Variants in NEDD4L observed in about 807,000 individuals in gnomAD.
NEDD4L encodes the protein E3 ubiquitin-protein ligase NEDD4-like.
Under a neutral mutation model 148.9 loss-of-function variants are expected in NEDD4L, and 54 were observed. That is an observed-to-expected ratio of 0.36 (90% CI 0.29 to 0.45). The LOEUF is 0.45. Among genes scored for constraint, NEDD4L ranks in the 20% least tolerant of loss-of-function variants. The pLI is 1.00. For synonymous variants in NEDD4L, 433 were observed against 440.7 expected, an observed-to-expected ratio of 0.98 and a Z score of 0.22; for missense variants, 856 against 1,233.8, an observed-to-expected ratio of 0.69 and a Z score of 4.59.
chr18:58,210,001 A>T (rs1336378189), intron 2 of NEDD4L, among the ~76,000 whole-genome samples: 2 of 152,012 alleles, frequency 1.3e-5, no homozygotes, highest in African/African-American at 4.8e-5. Flanking sequence ...ACCCATCCAT[A>T]CTAAAAAAAT....
chr18:58,073,751 G>A (rs115380239), intron 1 of NEDD4L, among the ~76,000 whole-genome samples: 2,771 of 152,254 alleles, frequency 0.018, 92 homozygotes, highest in African/African-American at 0.063. Context: ...CCTTTGGGAT[G>A]ATGAAATTTT....
At chr18:58,195,570 G>A (rs780446744) in intron 2 of NEDD4L, 51 of 1,339,344 alleles carry the variant, frequency 3.8e-5, no homozygotes, top group Admixed American at 7.9e-5. Flanking sequence ...TCCCCAGCAC[G>A]GCACCTCCCA....
chr18:58,286,398 A>T (rs1354920463), intron 5 of NEDD4L, among the ~76,000 whole-genome samples: 5 of 152,362 alleles, frequency 3.3e-5, no homozygotes, highest in African/African-American at 1.2e-4. Flanking sequence ...GATGAGTCTT[A>T]TATAAAGTGT....
At chr18:58,152,796 T>C (rs2034944396) in intron 1 of NEDD4L, among the ~76,000 whole-genome samples, 1 of 152,166 alleles carries the variant, frequency 6.6e-6, no homozygotes, top group South Asian at 2.1e-4. Flanking sequence ...TTCCAAAAAA[T>C]TGGTACTCTG....
chr18:58,311,950 G>C (rs986908566), intron 5 of NEDD4L, among the ~76,000 whole-genome samples: 1 of 152,172 alleles, frequency 6.6e-6, no homozygotes, highest in Non-Finnish European at 1.5e-5. Flanking sequence ...CCCTCTGCAT[G>C]AACAGGGCGC....
At chr18:58,344,586 T>C (rs2145314540) in intron 16 of NEDD4L, among the ~76,000 whole-genome samples, 1 of 152,376 alleles carries the variant, frequency 6.6e-6, no homozygotes, top group South Asian at 2.1e-4. Context: ...TTTGGTAAAC[T>C]GATAACTGCT....
At chr18:58,151,600 G>A (rs996049815) in intron 1 of NEDD4L, among the ~76,000 whole-genome samples, 1 of 136,866 alleles carries the variant, frequency 7.3e-6, no homozygotes, top group Non-Finnish European at 1.6e-5. Flanking sequence ...GGGTGATTGT[G>A]AAGATGAGGT....
intron 5 of NEDD4L, among the ~76,000 whole-genome samples, chr18:58,278,198 C>T (rs547109199): frequency 6.6e-6 from 1 of 152,350 alleles, no homozygotes; most frequent in East Asian, 1.9e-4. Flanking sequence ...TTTCTCTCCA[C>T]TGGAAATGCA....
At chr18:58,336,832 T>C (rs962135050) in intron 13 of NEDD4L, among the ~76,000 whole-genome samples, 1 of 152,174 alleles carries the variant, frequency 6.6e-6, no homozygotes, top group African/African-American at 2.4e-5. Flanking sequence ...TCCAGTAGAA[T>C]TCAAGAAATT....
At chr18:58,084,835 C>T (rs1266965718) in intron 1 of NEDD4L, among the ~76,000 whole-genome samples, 3 of 152,048 alleles carry the variant, frequency 2.0e-5, no homozygotes, top group Non-Finnish European at 4.4e-5. Context: ...GCTGGGACTA[C>T]AGGTGTGTGC....
chr18:58,235,157 A>C (rs1481760761), intron 2 of NEDD4L, among the ~76,000 whole-genome samples: 1 of 152,042 alleles, frequency 6.6e-6, no homozygotes, highest in Non-Finnish European at 1.5e-5. Context: ...TTGATGCTTA[A>C]GTACACAGGA....
At chr18:58,137,302 A>G (rs1411125839) in intron 1 of NEDD4L, among the ~76,000 whole-genome samples, 1 of 152,244 alleles carries the variant, frequency 6.6e-6, no homozygotes, top group Admixed American at 6.5e-5. Flanking sequence ...AAAAGACAAT[A>G]GAAATGAGTT....
chr18:58,243,845 T>A (rs1402197175), intron 2 of NEDD4L, among the ~76,000 whole-genome samples: 10 of 151,958 alleles, frequency 6.6e-5, no homozygotes, highest in Non-Finnish European at 1.2e-4. Flanking sequence ...AAAAAAAAAA[T>A]AAAAAATATT....
chr18:58,101,800 CAA>C (rs1215582331), intron 1 of NEDD4L, among the ~76,000 whole-genome samples: 1 of 152,182 alleles, frequency 6.6e-6, no homozygotes, highest in Non-Finnish European at 1.5e-5. Context: ...AACTGTAAAC[CAA>C]GAGAGAGAAT....
intron 1 of NEDD4L, among the ~76,000 whole-genome samples, chr18:58,079,808 G>A (rs986610587): frequency 3.9e-5 from 6 of 152,178 alleles, no homozygotes; most frequent in Admixed American, 6.5e-5. Context: ...AACTCTGTAC[G>A]GAATGTGTCA....
At chr18:58,214,615 GT>G (rs2042946319) in intron 2 of NEDD4L, among the ~76,000 whole-genome samples, 1 of 72,128 alleles carries the variant, frequency 1.4e-5, no homozygotes, top group African/African-American at 4.0e-5. Flanking sequence ...GTTTGTGTGT[GT>G]GTGTGTGTGT....
At chr18:58,367,967 G>T (rs1237145322) in intron 22 of NEDD4L, 100 bp downstream of exon 22, 2 of 1,258,972 alleles carry the variant, frequency 1.6e-6, no homozygotes, top group Non-Finnish European at 2.2e-6. Flanking sequence ...AGCTTCACTG[G>T]TTTACTCATA....
intron 5 of NEDD4L, among the ~76,000 whole-genome samples, chr18:58,300,694 A>T (rs2056346352): frequency 6.6e-6 from 1 of 152,220 alleles, no homozygotes; most frequent in South Asian, 2.1e-4. Flanking sequence ...GTCCCAGCTC[A>T]GTTCAGTGCA....
At chr18:58,386,115 C>T (rs966009083) in intron 26 of NEDD4L, among the ~76,000 whole-genome samples, 5 of 152,006 alleles carry the variant, frequency 3.3e-5, no homozygotes, top group East Asian at 1.9e-4. Flanking sequence ...TACAGTGGTG[C>T]GATCTCGGCT....
Sources: gnomAD v4.1 joint callset for allele counts (sites outside exome capture counted in the v4.1 genomes callset) on GRCh38, gnomAD v4.1.1 for gene constraint, MANE v1.5 for transcripts, NCBI Gene and HGNC (gene_info 2026-07-23, HGNC 2026-07-21) for gene names.